The following ATP2A2 variants were observed in gnomAD, a reference collection of about 807,000 sequenced individuals.
ATP2A2 encodes ATPase sarcoplasmic/endoplasmic reticulum Ca2+ transporting 2.
A neutral mutation model predicts 109.3 loss-of-function variants in ATP2A2; 14 were observed. The ratio of observed to expected loss-of-function variants is 0.13; its 90% CI spans 0.08 to 0.20. The LOEUF is 0.20. ATP2A2 is among the 10% of genes least tolerant of loss of function. The pLI, the probability that ATP2A2 is intolerant of heterozygous loss-of-function variation, is 1.00. For synonymous variants in ATP2A2, 506 were observed against 490.9 expected (o/e 1.03, Z -0.41); for missense variants, 657 against 1,321.6 (o/e 0.50, Z 7.80).
chr12:110,296,332 C>A, intron 4 of ATP2A2: 1 of 437,966 alleles, frequency 2.3e-6, no homozygotes, highest in Non-Finnish European at 4.2e-6. Flanking sequence ...CTGTGTTTTA[C>A]AGTCTTAGGG....
intron 4 of ATP2A2, 152 bp from the exon 5 acceptor site, chr12:110,296,447 C>G (rs754836180): frequency 3.4e-5 from 33 of 973,178 alleles, no homozygotes; most frequent in Non-Finnish European, 5.3e-5. Flanking sequence ...GTCCTTGTGT[C>G]TGTTGCCTTA....
chr12:110,335,349 C>CT (rs1373146037), intron 11 of ATP2A2, among the ~76,000 whole-genome samples: 2 of 152,212 alleles, frequency 1.3e-5, no homozygotes, highest in African/African-American at 4.8e-5. Context: ...GTCCCCCTGC[C>CT]TGTCACTTGG....
intron 8 of ATP2A2, chr12:110,329,711 C>G (rs935904306): frequency 2.0e-5 from 3 of 152,224 alleles, no homozygotes; most frequent in Non-Finnish European, 4.4e-5. Flanking sequence ...CGTGAGCCCC[C>G]GCGCCCGGCC....
Position 110,281,922 on chromosome 12 carries a change from C to T in ATP2A2, c.118+15C>T. 1 of 1,559,160 alleles carries T rather than the reference C, an allele frequency of 6.4e-7. No homozygotes were observed. The highest frequency in any genetic ancestry group is 8.7e-7 in the Non-Finnish European group (1 of 1,153,160). ...GGGCTCCAACGGTAGGTGCAGGGCG[C>T]TCCGCTGCAGGGGCCCGGCGCGGCC... On this transcript the variant is annotated intron_variant, in intron 1 of 19. Transcript: ENST00000539276.
chr12:110,310,477 A>T (rs1188319197), intron 5 of ATP2A2, among the ~76,000 whole-genome samples: 1 of 152,166 alleles, frequency 6.6e-6, no homozygotes, highest in Non-Finnish European at 1.5e-5. Context: ...CGCAGGGGTT[A>T]TTTATTGACT....
upstream of ATP2A2, chr12:110,281,134 G>C (rs1234200573): frequency 2.7e-5 from 4 of 149,674 alleles, no homozygotes; most frequent in Non-Finnish European, 5.9e-5. Context: ...GGAGGGAGCC[G>C]GGAGGAGGGG....
At chr12:110,343,122 G>C (rs1879511612) in intron 15 of ATP2A2, 110 bp from the exon 16 acceptor site, 1 of 1,113,322 alleles carries the variant, frequency 9.0e-7, no homozygotes, top group African/African-American at 1.5e-5. Flanking sequence ...CAGATTACCT[G>C]AAGTTGTTGT....
At position 110,339,734 on chromosome 12, in the gene ATP2A2, A is replaced by G. The variant is rs186741403; in HGVS notation, c.1761+13A>G. 1.2e-6 allele frequency: 2 copies of G among 1,612,728 alleles called. No homozygotes were observed. Among genetic ancestry groups the G allele is most frequent in the East Asian group, 4.5e-5 (2 of 44,890 alleles). ...TATTAAATATGAGGTTAGCTAATGA[A>G]AAGTTTCTTTGTCCACACCCTGCAC... On this transcript the variant is annotated intron_variant, in intron 13 of 19. Coordinates refer to ENST00000539276, the MANE Select transcript of ATP2A2 (RefSeq NM_170665.4). The surrounding 1 kb of genome is among the most constrained non-coding windows in gnomAD (Gnocchi z 4.4).
chr12:110,288,275 A>AT (rs921416939), intron 3 of ATP2A2, among the ~76,000 whole-genome samples: 34 of 151,208 alleles, frequency 2.2e-4, no homozygotes, highest in African/African-American at 8.3e-4. Flanking sequence ...TTAAAAAAAA[A>AT]TTTTTTTTTA....
intron 14 of ATP2A2, among the ~76,000 whole-genome samples, chr12:110,341,461 T>C (rs1230771188): frequency 6.6e-6 from 1 of 152,166 alleles, no homozygotes; most frequent in Non-Finnish European, 1.5e-5. Flanking sequence ...TGAAACATAC[T>C]ATAAGTGTAC....
At chr12:110,286,942 C>T (rs1157752104) in intron 3 of ATP2A2, among the ~76,000 whole-genome samples, 2 of 151,976 alleles carry the variant, frequency 1.3e-5, no homozygotes, top group Non-Finnish European at 2.9e-5. Context: ...GTGCTTTTTA[C>T]CTTGGATTAA....
chr12:110,312,865 A>AG (rs1491387277), intron 5 of ATP2A2, among the ~76,000 whole-genome samples: 167 of 151,608 alleles, frequency 1.1e-3, no homozygotes, highest in African/African-American at 4.0e-3. Context: ...AAAAAAAAAA[A>AG]GAAAACAAAA....
At chr12:110,296,807 CATAATT>C (rs1277606922) in intron 5 of ATP2A2, 70 bp downstream of exon 5, 2 of 1,509,966 alleles carry the variant, frequency 1.3e-6, no homozygotes, top group East Asian at 2.3e-5. Context: ...TCTCAAGGCT[CATAATT>C]ATATTTAAAA....
At position 110,342,017 on chromosome 12, in the gene ATP2A2, C is replaced by A. The variant is rs1391386336; in HGVS notation, c.2098-211C>A. 6.6e-6 allele frequency among the ~76,000 whole-genome samples: 1 copy of A among 152,196 alleles called. No homozygotes were observed. The highest frequency in any genetic ancestry group is 1.5e-5 in the Non-Finnish European group (1 of 68,038). Reference sequence around the variant, plus strand: ...CAGATAAATTTGAAGTCCCCTTTGTCCCACTTCGGTAAACTTATTTGGTAA... The same window carrying A: ...CAGATAAATTTGAAGTCCCCTTTGTACCACTTCGGTAAACTTATTTGGTAA... On this transcript the variant is annotated intron_variant, in intron 14 of 19. Coordinates refer to ENST00000539276, the MANE Select transcript of ATP2A2 (RefSeq NM_170665.4). The surrounding 1 kb of genome is among the most constrained non-coding windows in gnomAD (Gnocchi z 4.6).
In ATP2A2 at chr12:110,281,661, G is replaced by T. The variant is rs1592781946; in HGVS notation, c.-129G>T. The T allele has an allele frequency of 2.0e-6, 1 of 504,900 alleles. No homozygotes were observed. Among genetic ancestry groups the T allele is most frequent in the Non-Finnish European group, 3.2e-6 (1 of 310,438 alleles). 31.3% of individuals were successfully genotyped at this position (504,900 alleles called of 1,614,324 possible). On this transcript the variant is annotated 5_prime_UTR_variant, in exon 1 of 20. Coordinates refer to ENST00000539276, the MANE Select transcript of ATP2A2 (RefSeq NM_170665.4). ...AGCGCCCGGCGAGGCGGAAGCGGCCGCAAGAGGAGGAGGGGAGAGCCCGTC... is the reference window on the plus strand; with the variant it reads ...AGCGCCCGGCGAGGCGGAAGCGGCCTCAAGAGGAGGAGGGGAGAGCCCGTC...
At chr12:110,291,863 G>C (rs1429668999) in intron 3 of ATP2A2, among the ~76,000 whole-genome samples, 157 bp from the exon 4 acceptor site, 2 of 151,924 alleles carry the variant, frequency 1.3e-5, no homozygotes, top group Non-Finnish European at 2.9e-5. Flanking sequence ...GGGCAGGTTG[G>C]TCTGGAACTC....
chr12:110,325,662 G>C (rs1877721475), intron 6 of ATP2A2: 1 of 151,684 alleles, frequency 6.6e-6, no homozygotes, highest in Admixed American at 6.6e-5. Context: ...TATTTACCAT[G>C]CGATCTTTCC....
chr12:110,298,901 G>A (rs1403693672), intron 5 of ATP2A2, among the ~76,000 whole-genome samples: 1 of 152,080 alleles, frequency 6.6e-6, no homozygotes, highest in Non-Finnish European at 1.5e-5. Context: ...TATAACCTCA[G>A]TATGATTATC....
chr12:110,340,674 G>A lies in ATP2A2; in HGVS notation c.1777G>A (p.Val593Ile), dbSNP rs749729591. The A allele has an allele frequency of 8.7e-6, 14 of 1,614,048 alleles. No individual in the cohort carries two copies. In the Admixed American group the frequency reaches 1.8e-4, roughly 21 times the overall value. Residue 593 changes from valine to isoleucine, a missense_variant, in exon 14 of 20, where the codon GTT becomes ATT. This residue lies in a region of ATP2A2 where 180 missense variants were observed against 329.1 expected (regional missense o/e 0.55). Coordinates refer to ENST00000539276, the MANE Select transcript of ATP2A2 (RefSeq NM_170665.4). This position sits in a 1 kb window ranked among gnomAD's most constrained non-coding sequence, Gnocchi z 6.0. Reference sequence around the variant, plus strand: ...CTTATTTTAGACCAATCTGACCTTCGTTGGCTGCGTGGGCATGCTGGATCC... The same window carrying A: ...CTTATTTTAGACCAATCTGACCTTCATTGGCTGCGTGGGCATGCTGGATCC... ...FIKYETNLTFVGCVGMLDPPR... is the reference protein window; with the variant it reads ...FIKYETNLTFIGCVGMLDPPR...
Sources: allele counts gnomAD v4.1 joint callset (sites outside exome capture counted in the v4.1 genomes callset), GRCh38; gene constraint gnomAD v4.1.1; regional missense constraint gnomAD v4.1.1; non-coding constraint Gnocchi (gnomAD v3.1); transcripts MANE v1.5; gene names NCBI Gene and HGNC (gene_info 2026-07-23, HGNC 2026-07-21).